MYCBP2: variants seen among roughly 807,000 people sequenced by gnomAD.
The protein encoded by MYCBP2 is MYC binding protein 2.
In MYCBP2, 120 loss-of-function variants were observed where a neutral mutation model predicts 525.3. The ratio of observed to expected loss-of-function variants is 0.23; its 90% confidence interval spans 0.20 to 0.27. MYCBP2 has a LOEUF of 0.27. MYCBP2 is among the 10% of genes least tolerant of loss of function. MYCBP2 has a pLI of 1.00. For synonymous variants in MYCBP2, 1,894 were observed against 1,955.8 expected (o/e 0.97, Z 0.83); for missense variants, 4,149 against 5,657.1 (o/e 0.73, Z 8.55).
At chr13:77,051,183 C>T (rs534905485) in intron 81 of MYCBP2, 21 bp from the exon 82 acceptor site, 1 of 1,591,718 alleles carries the variant, frequency 6.3e-7, no homozygotes, top group South Asian at 1.1e-5. Context: ...AGAGAAGAGA[C>T]AGACACAAGA....
chr13:77,158,785 G>A (rs1269891374), intron 44 of MYCBP2, among the ~76,000 whole-genome samples: 1 of 152,134 alleles, frequency 6.6e-6, no homozygotes, highest in Non-Finnish European at 1.5e-5. Flanking sequence ...CAGCTATCAT[G>A]AGTAAGGTGT....
intron 26 of MYCBP2, among the ~76,000 whole-genome samples, chr13:77,199,280 A>G (rs2062148476): frequency 6.6e-6 from 1 of 152,258 alleles, no homozygotes; most frequent in Non-Finnish European, 1.5e-5. Context: ...AAGGGGTGAC[A>G]GACGGCACCT....
intron 1 of MYCBP2, among the ~76,000 whole-genome samples, chr13:77,318,238 T>C (rs938162427): frequency 6.6e-6 from 1 of 152,186 alleles, no homozygotes; most frequent in Non-Finnish European, 1.5e-5. Context: ...GCAGCAGCAG[T>C]TGCTAGATCA....
At chr13:77,283,866 C>T (rs138551080) in intron 3 of MYCBP2, among the ~76,000 whole-genome samples, 231 of 152,222 alleles carry the variant, frequency 1.5e-3, no homozygotes, top group African/African-American at 5.3e-3. Context: ...CCACTGCACT[C>T]CAGCCCCAGT....
At chr13:77,172,751 T>G (rs1298501792) in intron 37 of MYCBP2, among the ~76,000 whole-genome samples, 1 of 152,180 alleles carries the variant, frequency 6.6e-6, no homozygotes, top group Non-Finnish European at 1.5e-5. Context: ...GAGATGAATA[T>G]TCTAGCCACA....
intron 13 of MYCBP2, among the ~76,000 whole-genome samples, chr13:77,259,576 G>T (rs978061805): frequency 9.2e-5 from 14 of 152,132 alleles, no homozygotes; most frequent in Non-Finnish European, 1.6e-4. Context: ...GCAGCCAATT[G>T]AGAATCTAAA....
Position 77,081,722 on chromosome 13 carries a change from A to G in MYCBP2, c.11194-71T>C. 6.5e-6 allele frequency: 10 copies of G among 1,533,406 alleles called. No homozygotes were observed. The highest frequency in any genetic ancestry group is 8.8e-6 in the Non-Finnish European group (10 of 1,135,000). The allele number at this position is 1,533,406 out of a possible 1,614,324, so 95.0% of individuals were successfully genotyped here. ...TTTCGTGATGATAAAACAAACAGGT[A>G]TAAGATAAAACATAATGGAAGACAG... On this transcript the variant is annotated intron_variant, in intron 64 of 82. Coordinates refer to ENST00000544440, the MANE Select transcript of MYCBP2 (RefSeq NM_015057.5). The surrounding 1 kb of genome is among the most constrained non-coding windows in gnomAD (Gnocchi z 4.6).
chr13:77,244,109 A>G (rs2069429222), intron 15 of MYCBP2, among the ~76,000 whole-genome samples, 158 bp from the exon 16 acceptor site: 1 of 152,254 alleles, frequency 6.6e-6, no homozygotes, highest in Non-Finnish European at 1.5e-5. Context: ...ATTTTAAAGA[A>G]AAGATATAAA....
chr13:77,186,134 G>T, intron 30 of MYCBP2, 71 bp from the exon 31 acceptor site: 1 of 1,130,334 alleles, frequency 8.8e-7, no homozygotes, highest in Non-Finnish European at 1.2e-6. Context: ...AAATGGAAAG[G>T]CAATGGTAGA....
rs796325931 is a variant in MYCBP2 at position 77,294,121 on chromosome 13, T to C, written c.378+2478A>G. 8.8e-4 allele frequency among the ~76,000 whole-genome samples: 55 copies of C among 62,338 alleles called. 1 individual carries two copies. Among genetic ancestry groups the C allele is most frequent in the South Asian group, 4.0e-3 (9 of 2,246 alleles). 40.9% of individuals were successfully genotyped at this position (62,338 alleles called of 152,430 possible). A position where few individuals can be genotyped will look rare whatever the true frequency, so the allele number is the denominator to read the frequency against. On this transcript the variant is annotated intron_variant, in intron 2 of 82. Transcript: ENST00000544440. ...TATAATGGCTATATATATATATATA[T>C]ATATATATACATATATATATACATA...
At chr13:77,104,259 A>T (rs543644814) in intron 55 of MYCBP2, among the ~76,000 whole-genome samples, 1 of 152,228 alleles carries the variant, frequency 6.6e-6, no homozygotes, top group South Asian at 2.1e-4. Context: ...TTTTCGGCTG[A>T]TTCATTATTA....
intron 58 of MYCBP2, 116 bp from the exon 59 acceptor site, chr13:77,093,448 C>T (rs1594465121): frequency 3.5e-6 from 3 of 856,362 alleles, no homozygotes; most frequent in Non-Finnish European, 3.5e-6. Context: ...AAAGGCAAAG[C>T]ATTAAAATAA....
chr13:77,171,158 C>T (rs560002980), intron 38 of MYCBP2, among the ~76,000 whole-genome samples: 44 of 151,856 alleles, frequency 2.9e-4, no homozygotes, highest in East Asian at 1.9e-3. Flanking sequence ...GGGTGGATAG[C>T]GATACATTAC....
chr13:77,308,046 A>G (rs2079688924), intron 1 of MYCBP2, among the ~76,000 whole-genome samples: 2 of 152,178 alleles, frequency 1.3e-5, no homozygotes, highest in African/African-American at 2.4e-5. Context: ...AGCTATAACA[A>G]CCCTAAACAA....
intron 75 of MYCBP2, 57 bp from the exon 76 acceptor site, chr13:77,061,358 G>T: frequency 7.1e-7 from 1 of 1,410,472 alleles, no homozygotes; most frequent in Non-Finnish European, 9.6e-7. Flanking sequence ...CTGAAAGGGA[G>T]AGTATAAAAT....
At chr13:77,125,740 C>T (rs535638885) in intron 53 of MYCBP2, among the ~76,000 whole-genome samples, 45 of 152,270 alleles carry the variant, frequency 3.0e-4, no homozygotes, top group African/African-American at 1.0e-3. Flanking sequence ...TACCCAAGAA[C>T]ACATGGCTCA....
At chr13:77,228,698 T>G (rs1427070357) in intron 18 of MYCBP2, among the ~76,000 whole-genome samples, 2 of 141,998 alleles carry the variant, frequency 1.4e-5, no homozygotes, top group African/African-American at 2.7e-5. Flanking sequence ...ATGTTGTGTG[T>G]GTGTGTGTGT....
At chr13:77,261,913 T>A in intron 11 of MYCBP2, 140 bp downstream of exon 11, 1 of 656,626 alleles carries the variant, frequency 1.5e-6, no homozygotes, top group East Asian at 3.0e-5. Flanking sequence ...TAAAATTTTA[T>A]CTTATAAAAA....
At chr13:77,068,973 CAT>C (rs3841487) in intron 69 of MYCBP2, 142 bp from the exon 70 acceptor site, 28,938 of 804,672 alleles carry the variant, frequency 0.036, 678 homozygotes, top group East Asian at 0.067. Context: ...AATTCTCCAT[CAT>C]ATGTCATTCT....
Sources: allele counts gnomAD v4.1 joint callset (sites outside exome capture counted in the v4.1 genomes callset), GRCh38; gene constraint gnomAD v4.1.1; non-coding constraint Gnocchi (gnomAD v3.1); transcripts MANE v1.5; gene names NCBI Gene and HGNC (gene_info 2026-07-23, HGNC 2026-07-21).